Variants in CPNE8 observed in about 807,000 individuals in gnomAD.
CPNE8 encodes the protein copine 8, also known as copine-8.
Under a neutral mutation model 81.5 loss-of-function variants are expected in CPNE8, and 45 were observed. The observed-to-expected ratio is 0.55, with a 90% CI of 0.44 to 0.71. CPNE8 has a LOEUF of 0.71. Ranked by LOEUF, CPNE8 falls within the 30% of genes least tolerant of loss-of-function variation. The probability of loss-of-function intolerance (pLI) is 0.00; values close to 1 mark genes in which losing one functional copy is unlikely to be tolerated. For synonymous variants in CPNE8, 252 were observed against 226.3 expected, an observed-to-expected ratio of 1.11 and a Z score of -1.02; for missense variants, 594 against 672.1, an observed-to-expected ratio of 0.88 and a Z score of 1.28.
chr12:38,666,064 T>C (rs977679926), intron 19 of CPNE8, among the ~76,000 whole-genome samples: 1 of 152,120 alleles, frequency 6.6e-6, no homozygotes, highest in African/African-American at 2.4e-5. Flanking sequence ...CATTTAATAT[T>C]CACAAATATC....
intron 15 of CPNE8, among the ~76,000 whole-genome samples, chr12:38,687,374 CTTTTTT>C (rs61259310): frequency 5.1e-5 from 3 of 58,660 alleles, no homozygotes; most frequent in African/African-American, 1.6e-4. Context: ...CCAAGACTTT[CTTTTTT>C]TTTTTTTTTT....
chr12:38,904,122 T>A (rs775058073), intron 1 of CPNE8, among the ~76,000 whole-genome samples: 1 of 152,144 alleles, frequency 6.6e-6, no homozygotes. Flanking sequence ...CTTATTTACA[T>A]CAAGATCACC....
intron 3 of CPNE8, among the ~76,000 whole-genome samples, chr12:38,866,798 A>G (rs1481677253): frequency 2.0e-5 from 3 of 152,178 alleles, no homozygotes; most frequent in Non-Finnish European, 4.4e-5. Context: ...GTTAAACTGT[A>G]TGTGCCTGTG....
intron 19 of CPNE8, among the ~76,000 whole-genome samples, chr12:38,657,353 G>A (rs1404134752): frequency 6.6e-6 from 1 of 152,296 alleles, no homozygotes; most frequent in South Asian, 2.1e-4. Context: ...TGAGGCTTGA[G>A]TAGGTAAACA....
intron 13 of CPNE8, among the ~76,000 whole-genome samples, chr12:38,715,359 C>A (rs759892871): frequency 6.6e-6 from 1 of 152,046 alleles, no homozygotes; most frequent in Non-Finnish European, 1.5e-5. Context: ...TTAATGATAT[C>A]TTACATTGTA....
Position 38,654,019 on chromosome 12 carries a change from T to C in CPNE8, c.1558A>G (p.Met520Val), listed in dbSNP as rs778971580. The change falls in exon 20 of 20, where the codon ATG becomes GTG. Residue 520 changes from methionine to valine, a missense_variant. Transcript: ENST00000331366. ...IDRSGNHILS[M>V]ARLAKDVLAE... is the part of the protein sequence containing the mutation. ...AGGACATCTTTAGCCAATCTAGCCA[T>C]GCTCAGTATGTGGTTTCCACTTCTG... 7 of 1,613,476 alleles carry C rather than the reference T, an allele frequency of 4.3e-6. No individual in the cohort carries two copies. Among genetic ancestry groups the C allele is most frequent in the Admixed American group, 3.3e-5 (2 of 59,950 alleles).
At chr12:38,775,808 G>T (rs1046965520) in intron 7 of CPNE8, among the ~76,000 whole-genome samples, 1 of 152,100 alleles carries the variant, frequency 6.6e-6, no homozygotes, top group African/African-American at 2.4e-5. Flanking sequence ...ATAAATTCTG[G>T]ATTAATTAAA....
At chr12:38,659,887 T>C (rs926151262) in intron 19 of CPNE8, among the ~76,000 whole-genome samples, 3 of 152,064 alleles carry the variant, frequency 2.0e-5, no homozygotes, top group Non-Finnish European at 4.4e-5. Context: ...GAATAAAATA[T>C]TTAGGAATCC....
chr12:38,848,698 T>C, intron 3 of CPNE8, 36 bp from the exon 4 acceptor site: 2 of 1,553,556 alleles, frequency 1.3e-6, no homozygotes, highest in Non-Finnish European at 1.7e-6. Flanking sequence ...AATTAAACCT[T>C]GTACGGCTAC....
At chr12:38,781,506 AC>A (rs1281503501) in intron 6 of CPNE8, among the ~76,000 whole-genome samples, 1 of 152,098 alleles carries the variant, frequency 6.6e-6, no homozygotes, top group African/African-American at 2.4e-5. Flanking sequence ...TTAATAGCAT[AC>A]ATACAGATTT....
intron 13 of CPNE8, among the ~76,000 whole-genome samples, chr12:38,704,826 G>GTATATATATGTATATATATATA: frequency 4.0e-5 from 2 of 50,196 alleles, no homozygotes; most frequent in South Asian, 1.6e-3. Flanking sequence ...GTATGTATGT[G>GTATATATATGTATATATATATA]TATATATATA....
intron 6 of CPNE8, among the ~76,000 whole-genome samples, chr12:38,789,381 G>A (rs1942272404): frequency 6.6e-6 from 1 of 151,694 alleles, no homozygotes; most frequent in Non-Finnish European, 1.5e-5. Context: ...AATGGTAGTG[G>A]GAAAACTCTA....
chr12:38,905,948 G>T, upstream of CPNE8: 2 of 985,386 alleles, frequency 2.0e-6, no homozygotes, highest in Non-Finnish European at 2.4e-6. Context: ...GGCTCTGCGT[G>T]CTTTTAGGTT....
At chr12:38,734,226 C>G (rs1940902267) in intron 10 of CPNE8, among the ~76,000 whole-genome samples, 1 of 152,028 alleles carries the variant, frequency 6.6e-6, no homozygotes, top group South Asian at 2.1e-4. Context: ...ATTTTGCAAA[C>G]ACACTTAGGG....
At chr12:38,904,705 G>T (rs1046740525) in intron 1 of CPNE8, among the ~76,000 whole-genome samples, 2 of 152,068 alleles carry the variant, frequency 1.3e-5, no homozygotes, top group African/African-American at 4.8e-5. Flanking sequence ...CTGACCTCGT[G>T]ATCCACCCGC....
intron 6 of CPNE8, among the ~76,000 whole-genome samples, chr12:38,800,413 G>A (rs1160238784): frequency 2.1e-5 from 1 of 46,710 alleles, no homozygotes; most frequent in African/African-American, 4.9e-5. Context: ...ACCTCACATG[G>A]CAGGGTATTC....
At chr12:38,802,906 G>C (rs1195007318) in intron 6 of CPNE8, among the ~76,000 whole-genome samples, 1 of 149,488 alleles carries the variant, frequency 6.7e-6, no homozygotes, top group African/African-American at 2.5e-5. Context: ...AGAAAATCTA[G>C]AAGAAATAGA....
At chr12:38,708,278 AAAC>A (rs1940163235) in intron 13 of CPNE8, among the ~76,000 whole-genome samples, 2 of 152,192 alleles carry the variant, frequency 1.3e-5, no homozygotes, top group Non-Finnish European at 2.9e-5. Context: ...AAAGTAAACC[AAAC>A]AACATTTCAA....
Position 38,762,198 on chromosome 12 carries a change from C to G in CPNE8, c.594G>C (p.Lys198Asn), listed in dbSNP as rs1239149610. The change falls in exon 9 of 20, where the codon AAG becomes AAC. Residue 198 changes from lysine (K) to asparagine (N), a missense_variant. Lys to Asn is a moderately conservative substitution (Grantham distance 94). Transcript: ENST00000331366. Reference sequence around the variant, plus strand: ...TTAGAGTGTTTTTGACAACTTCTGTCTTGTGACAAATTGTAAAACTATAAA... The same window carrying G: ...TTAGAGTGTTTTTGACAACTTCTGTGTTGTGACAAATTGTAAAACTATAAA... The part of the protein sequence containing the change: ...NEDGSFTICH[K>N]TEVVKNTLNP... 6.3e-7 allele frequency: 1 copy of G among 1,590,888 alleles called. No homozygotes were observed.
Sources: gnomAD v4.1 joint callset for allele counts (sites outside exome capture counted in the v4.1 genomes callset) on GRCh38, gnomAD v4.1.1 for gene constraint, MANE v1.5 for transcripts, NCBI Gene and HGNC (gene_info 2026-07-23, HGNC 2026-07-21) for gene names.